The following BFSP1 variants were observed in gnomAD, a reference collection of about 807,000 sequenced individuals.
BFSP1 encodes beaded filament structural protein 1, also known as filensin.
A neutral mutation model predicts 43.9 loss-of-function variants in BFSP1; 38 were observed. That is an observed-to-expected ratio of 0.87 (90% confidence interval 0.67 to 1.14). The LOEUF (loss-of-function observed/expected upper bound fraction) is 1.14. Among genes scored for constraint, BFSP1 ranks in the 50% most tolerant of loss-of-function variants. The pLI is 0.00. For missense variants in BFSP1, 850 were observed against 875.1 expected (o/e 0.97, Z 0.36); for synonymous variants, 352 against 354.8 (o/e 0.99, Z 0.09).
chr20:17,496,041 C>A (rs2033623341), intron 7 of BFSP1, among the ~76,000 whole-genome samples: 1 of 152,212 alleles, frequency 6.6e-6, no homozygotes, highest in Non-Finnish European at 1.5e-5. Flanking sequence ...TGCACAGAAT[C>A]TCAGGGCCCA....
intron 4 of BFSP1, 138 bp from the exon 5 acceptor site, chr20:17,509,134 G>T: frequency 1.6e-6 from 1 of 615,504 alleles, no homozygotes; most frequent in Non-Finnish European, 2.5e-6. Flanking sequence ...CTCCCAAGAT[G>T]AAGGTTTTAG....
intron 1 of BFSP1, among the ~76,000 whole-genome samples, chr20:17,546,488 G>A (rs1289458076): frequency 1.3e-5 from 2 of 152,184 alleles, no homozygotes; most frequent in African/African-American, 4.8e-5. Flanking sequence ...ATCACCTGAA[G>A]ACAGGAGTTT....
chr20:17,546,992 A>C (rs1004032514), intron 1 of BFSP1, among the ~76,000 whole-genome samples: 1 of 141,700 alleles, frequency 7.1e-6, no homozygotes, highest in Non-Finnish European at 1.5e-5. Context: ...CCACTGCTGC[A>C]CTCCAGCCTG....
chr20:17,520,128 G>GAAA (rs2034285515), intron 2 of BFSP1, among the ~76,000 whole-genome samples: 1 of 151,802 alleles, frequency 6.6e-6, no homozygotes, highest in Non-Finnish European at 1.5e-5. Context: ...GAACGGATCA[G>GAAA]AAATGCAAAT....
rs2034394751 is a variant in BFSP1, at chr20:17,525,179, C to CA, written c.378-272dup. ...CCGAAGGCACCAACCCCAGCCCCTA[C>CA]AGCCTTATTCCCAGCCACCCCAAGG... On this transcript the variant is annotated intron_variant, in intron 1 of 7. Coordinates refer to ENST00000377873, the MANE Select transcript of BFSP1 (RefSeq NM_001195.5). The surrounding 1 kb of genome is among the most constrained non-coding windows in gnomAD (Gnocchi z 4.2). Among the ~76,000 whole-genome samples, 3 of 152,142 alleles carry CA rather than the reference C, an allele frequency of 2.0e-5. No individual in the cohort carries two copies. In the South Asian group the frequency reaches 6.2e-4, roughly 32 times the overall value.
chr20:17,519,925 T>A (rs1421201170), intron 2 of BFSP1, among the ~76,000 whole-genome samples: 1 of 152,226 alleles, frequency 6.6e-6, no homozygotes, highest in African/African-American at 2.4e-5. Context: ...TAGACGCTTG[T>A]GTTTTTATTA....
intron 1 of BFSP1, among the ~76,000 whole-genome samples, chr20:17,548,718 T>C (rs568322052): frequency 6.6e-6 from 1 of 152,376 alleles, no homozygotes; most frequent in South Asian, 2.1e-4. Context: ...AAAGCCTTGG[T>C]AAAATAACCA....
At position 17,502,562 on chromosome 20, in the gene BFSP1, A is replaced by C. The variant is rs904670121; in HGVS notation, c.736-3522T>G. On this transcript the variant is annotated intron_variant, in intron 5 of 7. Transcript: ENST00000377873. The stretch of plus-strand genomic sequence containing the variant: ...TGGTGAGATTTTAGTGCAGTCTATT[A>C]ATGCGACAGGATCACTGTTAATTTC... Among the ~76,000 whole-genome samples, 5 of 152,218 alleles carry C rather than the reference A, an allele frequency of 3.3e-5. No individual in the cohort carries two copies. In the South Asian group the frequency reaches 6.2e-4, roughly 19 times the overall value.
At chr20:17,524,963 T>C in intron 1 of BFSP1, 55 bp from the exon 2 acceptor site, 3 of 1,457,254 alleles carry the variant, frequency 2.1e-6, no homozygotes, top group Non-Finnish European at 2.9e-6. Flanking sequence ...TTCACATGTA[T>C]GGATCACATA....
At chr20:17,558,114 A>G (rs1453954097) in intron 1 of BFSP1, among the ~76,000 whole-genome samples, 2 of 150,678 alleles carry the variant, frequency 1.3e-5, no homozygotes, top group Admixed American at 6.7e-5. Context: ...TTATACACAC[A>G]AAGATGGGGG....
At chr20:17,528,217 T>C (rs1439588397) in intron 1 of BFSP1, among the ~76,000 whole-genome samples, 2 of 152,228 alleles carry the variant, frequency 1.3e-5, no homozygotes, top group Non-Finnish European at 2.9e-5. Flanking sequence ...ATGTCAAAAC[T>C]TCTCCAAGGG....
intron 6 of BFSP1, among the ~76,000 whole-genome samples, chr20:17,498,421 A>G (rs1291177789): frequency 6.6e-6 from 1 of 152,184 alleles, no homozygotes; most frequent in Non-Finnish European, 1.5e-5. Flanking sequence ...GAGTGCCCTC[A>G]AGTGCCAGGC....
chr20:17,530,825 T>G, intron 1 of BFSP1, 128 bp downstream of exon 1: 10 of 1,064,520 alleles, frequency 9.4e-6, no homozygotes, highest in Admixed American at 4.3e-5. Flanking sequence ...CGTGCAGGGA[T>G]GAGGTCATCG....
At chr20:17,545,822 T>C (rs928488582) in intron 1 of BFSP1, among the ~76,000 whole-genome samples, 11 of 152,250 alleles carry the variant, frequency 7.2e-5, no homozygotes, top group African/African-American at 2.7e-4. Context: ...GAATAATACA[T>C]TTTGTCATGC....
At chr20:17,524,093 T>A (rs763625668) in intron 2 of BFSP1, among the ~76,000 whole-genome samples, 6 of 152,184 alleles carry the variant, frequency 3.9e-5, no homozygotes, top group Non-Finnish European at 8.8e-5. Context: ...ATAGTCTCCA[T>A]GGGTCGTTCT....
chr20:17,532,404 C>CAAA (rs531941557), upstream of BFSP1, among the ~76,000 whole-genome samples: 5 of 61,322 alleles, frequency 8.2e-5, no homozygotes, highest in African/African-American at 1.6e-4. Flanking sequence ...GACTCCGTCT[C>CAAA]AAAAAAAAAA....
rs1326803439 is a variant in BFSP1 at position 17,507,283 on chromosome 20, G to C, written c.735+1606C>G. The stretch of plus-strand genomic sequence containing the variant: ...ACATCAGATAGGTAGGTGTGTGTGT[G>C]TGTGTGTGTGTGTGTGTGTGTGTAT... On this transcript the variant is annotated intron_variant, in intron 5 of 7. Coordinates refer to ENST00000377873, the MANE Select transcript of BFSP1 (RefSeq NM_001195.5). The surrounding 1 kb of genome is among the most constrained non-coding windows in gnomAD (Gnocchi z 4.4). Among the ~76,000 whole-genome samples the C allele has an allele frequency of 6.7e-6, 1 of 148,450 alleles. No individual in the cohort carries two copies. The highest frequency in any genetic ancestry group is 1.5e-5 in the Non-Finnish European group (1 of 67,934).
At chr20:17,567,753 C>T (rs1034075722) in intron 1 of BFSP1, among the ~76,000 whole-genome samples, 1 of 151,300 alleles carries the variant, frequency 6.6e-6, no homozygotes, top group Non-Finnish European at 1.5e-5. Context: ...CCCAGCTACT[C>T]GGGAGGTTGA....
At position 17,520,217 on chromosome 20, in the gene BFSP1, C is replaced by CT. The variant is rs1568696479; in HGVS notation, c.438+4630_438+4631insA. Reference sequence around the variant, plus strand: ...GAGTCTGGGTTTTAACGTGCCCCCCCACCCCGCCCACCTTTCACCCCAGGT... The same window carrying CT: ...GAGTCTGGGTTTTAACGTGCCCCCCCTACCCCGCCCACCTTTCACCCCAGGT... On this transcript the variant is annotated intron_variant, in intron 2 of 7. Coordinates refer to ENST00000377873, the MANE Select transcript of BFSP1 (RefSeq NM_001195.5). Among the ~76,000 whole-genome samples, 445 of 143,090 alleles carry CT rather than the reference C, an allele frequency of 3.1e-3. 8 individuals carry two copies. The highest frequency in any genetic ancestry group is 0.011 in the African/African-American group (427 of 38,786). 93.9% of individuals were successfully genotyped at this position (143,090 alleles called of 152,430 possible). A position where few individuals can be genotyped will look rare whatever the true frequency, so the allele number is the denominator to read the frequency against.
Sources: allele counts gnomAD v4.1 joint callset (sites outside exome capture counted in the v4.1 genomes callset), GRCh38; gene constraint gnomAD v4.1.1; non-coding constraint Gnocchi (gnomAD v3.1); transcripts MANE v1.5; gene names NCBI Gene and HGNC (gene_info 2026-07-23, HGNC 2026-07-21).